Variants in CNIH3 observed in about 807,000 individuals in gnomAD.
CNIH3 encodes cornichon family AMPA receptor auxiliary protein 3.
In CNIH3, 14 loss-of-function variants were observed where a neutral mutation model predicts 24.1. The observed-to-expected ratio is 0.58, with a 90% confidence interval of 0.38 to 0.91. CNIH3 has a LOEUF of 0.91. Ranked by LOEUF, CNIH3 falls within the 40% of genes least tolerant of loss-of-function variation. The probability of loss-of-function intolerance (pLI) is 0.00; values close to 1 mark genes in which losing one functional copy is unlikely to be tolerated. For missense variants in CNIH3, 178 were observed against 196.8 expected, an observed-to-expected ratio of 0.90 and a Z score of 0.57; for synonymous variants, 68 against 73.8, an observed-to-expected ratio of 0.92 and a Z score of 0.40.
chr1:224,500,843 C>T lies in CNIH3; in HGVS notation n.204-14898C>T, dbSNP rs538094727. 2.0e-5 allele frequency among the ~76,000 whole-genome samples: 3 copies of T among 152,240 alleles called. 1 individual carries two copies. The highest frequency in any genetic ancestry group is 7.2e-5 in the African/African-American group (3 of 41,540). On this transcript the variant is annotated intron_variant and non_coding_transcript_variant, in intron 1 of 5. Coordinates refer to the CNIH3 transcript ENST00000471578. ...ACGATTTCCCTTGACCTCAAGACTC[C>T]CCACAATGCAGTGGATGCCTAAGTG... is the stretch of plus-strand genomic sequence containing the variant.
chr1:224,510,789 G>A (rs1189286651), intron 1 of CNIH3, among the ~76,000 whole-genome samples: 3 of 152,112 alleles, frequency 2.0e-5, no homozygotes, highest in African/African-American at 7.2e-5. Context: ...GGGTTCTGGA[G>A]CACATACTCT....
At chr1:224,546,247 G>A (rs1211224306) in intron 2 of CNIH3, among the ~76,000 whole-genome samples, 1 of 152,130 alleles carries the variant, frequency 6.6e-6, no homozygotes, top group Non-Finnish European at 1.5e-5. Context: ...TTTCTCAAAC[G>A]GAAATCCCAA....
At chr1:224,585,714 G>A (rs1441426543) in intron 5 of CNIH3, among the ~76,000 whole-genome samples, 1 of 151,674 alleles carries the variant, frequency 6.6e-6, no homozygotes, top group East Asian at 1.9e-4. Context: ...TGAACTCCTG[G>A]GCTCAAGTGA....
At chr1:224,524,050 T>C (rs1246992074) in intron 2 of CNIH3, among the ~76,000 whole-genome samples, 1 of 152,228 alleles carries the variant, frequency 6.6e-6, no homozygotes, top group East Asian at 1.9e-4. Flanking sequence ...TATAAACTTC[T>C]TAGGGAATTG....
chr1:224,633,512 G>A (rs944908943), intron 1 of CNIH3, among the ~76,000 whole-genome samples: 4 of 152,178 alleles, frequency 2.6e-5, no homozygotes, highest in Non-Finnish European at 4.4e-5. Flanking sequence ...AGGAATTTAT[G>A]GGAAGGGAAT....
At chr1:224,602,912 AG>A (rs1455381160) in intron 3 of CNIH3, among the ~76,000 whole-genome samples, 3 of 152,346 alleles carry the variant, frequency 2.0e-5, no homozygotes, top group African/African-American at 4.8e-5. Context: ...CAAACCGAAA[AG>A]TATCTGAGAC....
intron 4 of CNIH3, chr1:224,575,430 G>A (rs1680994725): frequency 3.3e-6 from 3 of 906,964 alleles, no homozygotes; most frequent in Non-Finnish European, 3.5e-6. Flanking sequence ...CCTATACCGT[G>A]TTTTCTGTCT....
At chr1:224,498,953 C>T (rs929509323) in intron 1 of CNIH3, among the ~76,000 whole-genome samples, 1 of 152,180 alleles carries the variant, frequency 6.6e-6, no homozygotes, top group African/African-American at 2.4e-5. Flanking sequence ...TCTTCCTGTC[C>T]GCAGGCACTG....
chr1:224,584,621 T>A (rs552719380), intron 5 of CNIH3, among the ~76,000 whole-genome samples: 1 of 152,340 alleles, frequency 6.6e-6, no homozygotes, highest in East Asian at 1.9e-4. Context: ...AAACTTGAAT[T>A]TGATGCAGAA....
chr1:224,616,571 G>T lies in CNIH3; in HGVS notation c.-604G>T. 1 of 986,780 alleles carries T rather than the reference G, an allele frequency of 1.0e-6. No individual in the cohort carries two copies. The highest frequency in any genetic ancestry group is 1.2e-6 in the Non-Finnish European group (1 of 830,878). The allele number at this position is 986,780 out of a possible 1,614,324, so 61.1% of individuals were successfully genotyped here. A position where few individuals can be genotyped will look rare whatever the true frequency, so the allele number is the denominator to read the frequency against. On this transcript the variant is annotated 5_prime_UTR_variant, in exon 1 of 6. The change creates a new upstream start codon in the 5' untranslated region. Coordinates refer to ENST00000272133, the MANE Select transcript of CNIH3 (RefSeq NM_152495.2). Reference sequence around the variant, plus strand: ...CGCTGGAAGCCGCGTCTGGGGCGCAGGACCAACGGGACCTACCTCCTCCCG... The same window carrying T: ...CGCTGGAAGCCGCGTCTGGGGCGCATGACCAACGGGACCTACCTCCTCCCG...
chr1:224,554,506 G>A (rs1680054557), intron 3 of CNIH3, among the ~76,000 whole-genome samples: 1 of 151,954 alleles, frequency 6.6e-6, no homozygotes, highest in Admixed American at 6.6e-5. Flanking sequence ...AACACCTGCA[G>A]ACTTTTTTTC....
intron 1 of CNIH3, among the ~76,000 whole-genome samples, chr1:224,491,977 A>G (rs1472821396): frequency 1.3e-5 from 2 of 150,864 alleles, no homozygotes; most frequent in Non-Finnish European, 3.0e-5. Context: ...CTGTTCTTGA[A>G]CTCCTGGCCT....
intron 4 of CNIH3, among the ~76,000 whole-genome samples, chr1:224,577,143 A>T (rs1465286150): frequency 6.6e-6 from 1 of 152,222 alleles, no homozygotes; most frequent in African/African-American, 2.4e-5. Context: ...TCTTCTAGAC[A>T]TTGGCTTAGG....
chr1:224,511,399 G>A (rs1386755939), upstream of CNIH3, among the ~76,000 whole-genome samples: 2 of 152,230 alleles, frequency 1.3e-5, no homozygotes, highest in South Asian at 2.1e-4. Flanking sequence ...AAGCCACTAT[G>A]TAAATAGCTG....
At chr1:224,698,849 G>T (rs763129981) in intron 3 of CNIH3, among the ~76,000 whole-genome samples, 1 of 152,018 alleles carries the variant, frequency 6.6e-6, no homozygotes, top group Admixed American at 6.5e-5. Flanking sequence ...ATGCTTTGCT[G>T]ATGGAATGAA....
intron 5 of CNIH3, chr1:224,587,535 A>T (rs1003917758): frequency 7.2e-5 from 11 of 152,372 alleles, no homozygotes; most frequent in South Asian, 2.1e-4. Flanking sequence ...TTGGAAAATG[A>T]GTGCATGTTT....
At chr1:224,445,595 AAG>A (rs1491172922) in intron 1 of CNIH3, among the ~76,000 whole-genome samples, 7,154 of 136,588 alleles carry the variant, frequency 0.052, 773 homozygotes, top group African/African-American at 0.19. Flanking sequence ...AAAAAAAAAA[AAG>A]AAAGATTGTG....
chr1:224,719,826 T>C (rs1688617888), intron 3 of CNIH3, among the ~76,000 whole-genome samples: 3 of 152,238 alleles, frequency 2.0e-5, no homozygotes, highest in Admixed American at 2.0e-4. Context: ...GGAAACAAGT[T>C]ACAATATTAT....
At chr1:224,613,884 GTTT>G (rs916069469), upstream of CNIH3, among the ~76,000 whole-genome samples, 1 of 143,898 alleles carries the variant, frequency 6.9e-6, no homozygotes, top group African/African-American at 2.5e-5. Context: ...TCAGGTTTTT[GTTT>G]TTTTTTTTTG....
Sources: allele counts gnomAD v4.1 joint callset (sites outside exome capture counted in the v4.1 genomes callset), GRCh38; gene constraint gnomAD v4.1.1; transcripts MANE v1.5; gene names NCBI Gene and HGNC (gene_info 2026-07-23, HGNC 2026-07-21).